Variants in CHP1 observed in about 807,000 individuals in gnomAD.
CHP1 encodes the protein calcineurin like EF-hand protein 1.
Under a neutral mutation model 27.4 loss-of-function variants are expected in CHP1, and 11 were observed. That is an observed-to-expected ratio of 0.40 (90% CI 0.25 to 0.67). The LOEUF (loss-of-function observed/expected upper bound fraction) is 0.67. Among genes scored for constraint, CHP1 ranks in the 30% least tolerant of loss-of-function variants. CHP1 has a pLI of 0.38. For missense variants in CHP1, 169 were observed against 251.3 expected (o/e 0.67, Z 2.22); for synonymous variants, 89 against 87.4 (o/e 1.02, Z -0.10).
intron 2 of CHP1, among the ~76,000 whole-genome samples, chr15:41,244,875 G>A (rs1427511380): frequency 2.0e-5 from 3 of 152,180 alleles, no homozygotes; most frequent in Non-Finnish European, 4.4e-5. Context: ...TGATTGGCAT[G>A]TAATGAAGCT....
At position 41,262,753 on chromosome 15, in the gene CHP1, C is replaced by T; in HGVS notation, c.222-3C>T. 3 of 1,612,094 alleles carry T rather than the reference C, an allele frequency of 1.9e-6. No homozygotes were observed. The highest frequency in any genetic ancestry group is 1.7e-6 in the Non-Finnish European group (2 of 1,179,764). On this transcript the variant is annotated splice_region_variant and splice_polypyrimidine_tract_variant and intron_variant, in intron 3 of 6. Coordinates refer to ENST00000334660, the MANE Select transcript of CHP1 (RefSeq NM_007236.5). The stretch of plus-strand genomic sequence containing the variant: ...TGTTGTGTTTGTTATATTTCACAAT[C>T]AGAGAGGACCAGGTAAACTTCCGTG...
At chr15:41,259,104 A>G (rs576932294) in intron 3 of CHP1, among the ~76,000 whole-genome samples, 41 of 152,120 alleles carry the variant, frequency 2.7e-4, no homozygotes, top group Non-Finnish European at 4.3e-4. Context: ...TTTATGCTGA[A>G]TTCTTCCTTT....
At chr15:41,242,975 C>T (rs947786031) in intron 1 of CHP1, among the ~76,000 whole-genome samples, 10 of 151,680 alleles carry the variant, frequency 6.6e-5, no homozygotes, top group African/African-American at 2.4e-4. Context: ...AAAATAAATA[C>T]AGTAAAAACA....
Position 41,262,641 on chromosome 15 carries a change from C to T in CHP1, c.222-115C>T. On this transcript the variant is annotated intron_variant, in intron 3 of 6. Transcript: ENST00000334660. ...AAGTACCATGCGTATGGAAAGAAAC[C>T]TCATTAAATGACCTTTCAGGCTACC... The T allele has an allele frequency of 9.8e-6, 13 of 1,330,490 alleles. No homozygotes were observed. In the South Asian group the frequency reaches 1.5e-4, roughly 15 times the overall value. 82.4% of individuals were successfully genotyped at this position (1,330,490 alleles called of 1,614,324 possible).
chr15:41,233,806 T>TAG (rs2047264098), intron 1 of CHP1, among the ~76,000 whole-genome samples: 1 of 151,950 alleles, frequency 6.6e-6, no homozygotes, highest in African/African-American at 2.4e-5. Context: ...ATGGGTGGAG[T>TAG]AGATTTGGAT....
chr15:41,238,969 C>T (rs1303833640), intron 1 of CHP1, among the ~76,000 whole-genome samples: 2 of 152,180 alleles, frequency 1.3e-5, no homozygotes, highest in African/African-American at 2.4e-5. Flanking sequence ...ATCTGACTAG[C>T]TTAGAGCCTT....
intron 2 of CHP1, among the ~76,000 whole-genome samples, chr15:41,253,352 A>C (rs1436453869): frequency 6.6e-6 from 1 of 152,110 alleles, no homozygotes; most frequent in African/African-American, 2.4e-5. Flanking sequence ...AACTGCCCAG[A>C]TCTACATTCT....
At position 41,281,445 on chromosome 15, in the gene CHP1, T is replaced by G. The variant is rs1482337147; in HGVS notation, c.*2056T>G. ...ATCAGGCTATTGCTATCCTAATGTATGTCTCTATGAGTGTATTTAGCCACA... is the reference window on the plus strand; with the variant it reads ...ATCAGGCTATTGCTATCCTAATGTAGGTCTCTATGAGTGTATTTAGCCACA... On this transcript the variant is annotated 3_prime_UTR_variant, in exon 7 of 7. Transcript: ENST00000334660. The G allele has an allele frequency of 6.5e-6, 1 of 152,674 alleles. No individual in the cohort carries two copies. The highest frequency in any genetic ancestry group is 2.4e-5 in the African/African-American group (1 of 41,464). The allele number at this position is 152,674 out of a possible 1,614,324, so 9.5% of individuals were successfully genotyped here.
At chr15:41,277,737 G>A (rs1255835439) in intron 5 of CHP1, among the ~76,000 whole-genome samples, 1 of 148,944 alleles carries the variant, frequency 6.7e-6, no homozygotes, top group East Asian at 2.0e-4. Context: ...GCAGTGAGCC[G>A]AGATCGTGCC....
chr15:41,276,416 G>T (rs2047519908), intron 5 of CHP1, among the ~76,000 whole-genome samples: 1 of 152,084 alleles, frequency 6.6e-6, no homozygotes, highest in Admixed American at 6.6e-5. Flanking sequence ...AGTCAGAAAG[G>T]TACCCTGTCT....
At chr15:41,243,559 T>TTC (rs1411093197) in intron 1 of CHP1, 108 bp from the exon 2 acceptor site, 3 of 737,522 alleles carry the variant, frequency 4.1e-6, no homozygotes, top group African/African-American at 3.5e-5. Context: ...AGATAAGAGT[T>TTC]TCGACATCCC....
At chr15:41,260,234 A>G (rs1175373930) in intron 3 of CHP1, among the ~76,000 whole-genome samples, 3 of 151,288 alleles carry the variant, frequency 2.0e-5, no homozygotes, top group Admixed American at 6.6e-5. Context: ...AAATTATATT[A>G]TGTTACATGG....
intron 5 of CHP1, among the ~76,000 whole-genome samples, chr15:41,273,201 C>T (rs2047500385): frequency 6.6e-6 from 1 of 151,620 alleles, no homozygotes; most frequent in African/African-American, 2.4e-5. Context: ...TGTATTAAAG[C>T]CAAGGATGTA....
chr15:41,243,889 G>T, intron 2 of CHP1, 150 bp downstream of exon 2: 2 of 668,752 alleles, frequency 3.0e-6, no homozygotes, highest in South Asian at 4.0e-5. Context: ...GAGCATCATT[G>T]ATCCACAAGA....
rs1595483333 is a variant in CHP1, at chr15:41,275,031, A to G, written c.412-3736A>G. ...TCTCCAACTCCTGACCTCGTCATCC[A>G]CCTGCCTCAGCCTCCCAAAGTCCTG... On this transcript the variant is annotated intron_variant, in intron 5 of 6. Coordinates refer to ENST00000334660, the MANE Select transcript of CHP1 (RefSeq NM_007236.5). Among the ~76,000 whole-genome samples, 4 of 151,858 alleles carry G rather than the reference A, an allele frequency of 2.6e-5. No homozygotes were observed. In the South Asian group the frequency reaches 6.2e-4, roughly 24 times the overall value.
chr15:41,278,365 A>G (rs971530515), intron 5 of CHP1, among the ~76,000 whole-genome samples: 1 of 151,798 alleles, frequency 6.6e-6, no homozygotes. Context: ...AAAAAATTTA[A>G]CTTTTAGGTT....
Position 41,243,698 on chromosome 15 carries a change from C to T in CHP1, c.99C>T (p.Ser33=). ...FSHSQITRLY[S]RFTSLDKGEN... is the part of the protein sequence containing the mutation. ...ACAGTCAAATCACTCGCCTCTACAG[C>T]CGGTTCACCAGCCTGGACAAAGGAG... The change falls in exon 2 of 7, where the codon AGC becomes AGT. Residue 33 remains serine (S), a synonymous_variant. Coordinates refer to ENST00000334660, the MANE Select transcript of CHP1 (RefSeq NM_007236.5). 6.2e-7 allele frequency: 1 copy of T among 1,614,070 alleles called. No individual in the cohort carries two copies. Among genetic ancestry groups the T allele is most frequent in the South Asian group, 1.1e-5 (1 of 91,066 alleles).
intron 5 of CHP1, among the ~76,000 whole-genome samples, chr15:41,275,450 C>T (rs1365169013): frequency 1.3e-5 from 2 of 152,138 alleles, no homozygotes; most frequent in Non-Finnish European, 2.9e-5. Flanking sequence ...CCACCACCCC[C>T]GGCCAAAACT....
At position 41,278,816 on chromosome 15, in the gene CHP1, G is replaced by A. The variant is rs752125709; in HGVS notation, c.461G>A (p.Ser154Asn). 4.3e-6 allele frequency: 7 copies of A among 1,614,082 alleles called. No homozygotes were observed. The highest frequency in any genetic ancestry group is 1.7e-5 in the Admixed American group (1 of 59,998). The change falls in exon 6 of 7, where the codon AGC becomes AAC. Residue 154 changes from serine (S) to asparagine (N), a missense_variant. Transcript: ENST00000334660. ...AATATCTCAGATGAGCAGCTGGGCAGCATCGCAGACAGGACCATTCAGGAG... is the reference window on the plus strand; with the variant it reads ...AATATCTCAGATGAGCAGCTGGGCAACATCGCAGACAGGACCATTCAGGAG... ...GVNISDEQLGSIADRTIQEAD... is the reference protein window; with the variant it reads ...GVNISDEQLGNIADRTIQEAD...
Sources: gnomAD v4.1 joint callset for allele counts (sites outside exome capture counted in the v4.1 genomes callset) on GRCh38, gnomAD v4.1.1 for gene constraint, MANE v1.5 for transcripts, NCBI Gene and HGNC (gene_info 2026-07-23, HGNC 2026-07-21) for gene names.